Variants in TTC7A observed in about 807,000 individuals in gnomAD.
TTC7A encodes tetratricopeptide repeat domain 7A.
A neutral mutation model predicts 103.7 loss-of-function variants in TTC7A; 110 were observed. The observed-to-expected ratio is 1.06, with a 90% CI of 0.91 to 1.24. The LOEUF is 1.24. Ranked by LOEUF, TTC7A falls within the 50% of genes most tolerant of loss-of-function variation. TTC7A has a pLI of 0.00. For missense variants in TTC7A, 1,340 were observed against 1,116.3 expected, an observed-to-expected ratio of 1.20 and a Z score of -2.86; for synonymous variants, 521 against 467.9, an observed-to-expected ratio of 1.11 and a Z score of -1.47.
chr2:47,042,266 T>C (rs1220469696), intron 15 of TTC7A, among the ~76,000 whole-genome samples: 1 of 151,980 alleles, frequency 6.6e-6, no homozygotes, highest in Non-Finnish European at 1.5e-5. Flanking sequence ...CTTTGGGAGG[T>C]TGAGGCAGGA....
chr2:47,056,332 T>TG (rs1231059853), intron 18 of TTC7A, among the ~76,000 whole-genome samples: 1 of 152,180 alleles, frequency 6.6e-6, no homozygotes, highest in Non-Finnish European at 1.5e-5. Context: ...TGAATTCTTT[T>TG]GGGGGGACTA....
At chr2:46,957,667 G>T (rs1335948364) in intron 3 of TTC7A, among the ~76,000 whole-genome samples, 1 of 152,130 alleles carries the variant, frequency 6.6e-6, no homozygotes, top group Non-Finnish European at 1.5e-5. Flanking sequence ...CAGCCCAGCT[G>T]GGGGAATCGT....
intron 15 of TTC7A, among the ~76,000 whole-genome samples, chr2:47,029,830 C>A (rs1267304046): frequency 6.6e-6 from 1 of 152,168 alleles, no homozygotes; most frequent in Non-Finnish European, 1.5e-5. Flanking sequence ...CCAAGGTGGT[C>A]CTGCTCCTTC....
intron 15 of TTC7A, among the ~76,000 whole-genome samples, chr2:47,040,866 T>C (rs116344993): frequency 0.017 from 2,636 of 152,354 alleles, 32 homozygotes; most frequent in Non-Finnish European, 0.028. Context: ...CTTGGGTTTC[T>C]AATTCCTGGG....
rs750885787 is a variant in TTC7A at position 46,974,960 on chromosome 2, C to T, written c.518-13C>T. On this transcript the variant is annotated splice_polypyrimidine_tract_variant and intron_variant, in intron 3 of 19. Transcript: ENST00000319190. The stretch of plus-strand genomic sequence containing the variant: ...GAGCAGGACAGGTCTGAGGCACCCT[C>T]TTCCTCCCGCAGGCCTCTCTCTGGA... 13 of 1,612,488 alleles carry T rather than the reference C, an allele frequency of 8.1e-6. No individual in the cohort carries two copies. The highest frequency in any genetic ancestry group is 1.1e-5 in the Non-Finnish European group (13 of 1,179,346).
At chr2:46,959,603 C>T (rs1400732703) in intron 3 of TTC7A, among the ~76,000 whole-genome samples, 1 of 152,138 alleles carries the variant, frequency 6.6e-6, no homozygotes, top group East Asian at 1.9e-4. Flanking sequence ...CTCTTCGCCC[C>T]CACCCTCAAA....
chr2:46,954,725 C>T (rs1267093998), intron 2 of TTC7A, among the ~76,000 whole-genome samples: 1 of 152,030 alleles, frequency 6.6e-6, no homozygotes, highest in Non-Finnish European at 1.5e-5. Context: ...GCGCCCACCA[C>T]CACGCCCGGA....
intron 3 of TTC7A, among the ~76,000 whole-genome samples, chr2:46,974,224 ACCACTTCAGTT>A (rs1673636949): frequency 6.6e-6 from 1 of 152,216 alleles, no homozygotes; most frequent in African/African-American, 2.4e-5. Flanking sequence ...TTTAAAGATA[ACCACTTCAGTT>A]CCTGGGCAAA....
chr2:46,942,103 G>A (rs1392506965), intron 1 of TTC7A, among the ~76,000 whole-genome samples: 3 of 152,186 alleles, frequency 2.0e-5, no homozygotes, highest in African/African-American at 7.2e-5. Flanking sequence ...TGTCGTCTTT[G>A]TCCATAGTTC....
chr2:47,073,692 T>G lies in TTC7A; in HGVS notation c.2356-10T>G, dbSNP rs532901005. On this transcript the variant is annotated splice_polypyrimidine_tract_variant and intron_variant, in intron 19 of 19. Transcript: ENST00000319190. ...ACCCCTACTCACCCTGCCCTGTGCTTCGTCCACAGGGTCTGATGCTGAGTC... is the reference window on the plus strand; with the variant it reads ...ACCCCTACTCACCCTGCCCTGTGCTGCGTCCACAGGGTCTGATGCTGAGTC... 1.2e-6 allele frequency: 2 copies of G among 1,613,094 alleles called. No homozygotes were observed. Among genetic ancestry groups the G allele is most frequent in the South Asian group, 2.2e-5 (2 of 91,034 alleles).
intron 2 of TTC7A, 53 bp downstream of exon 2, chr2:46,950,579 C>T (rs942656559): frequency 3.1e-5 from 49 of 1,582,926 alleles, no homozygotes; most frequent in Non-Finnish European, 3.6e-5. Context: ...TGTCTTGCCT[C>T]GCATCTGTCC....
chr2:46,981,675 G>C (rs911141170), intron 5 of TTC7A, among the ~76,000 whole-genome samples: 2 of 152,254 alleles, frequency 1.3e-5, no homozygotes, highest in Admixed American at 1.3e-4. Flanking sequence ...GTTCGATGTG[G>C]TGCCCTTGTA....
chr2:46,939,684 C>T (rs1670170150), upstream of TTC7A, among the ~76,000 whole-genome samples: 1 of 152,180 alleles, frequency 6.6e-6, no homozygotes, highest in African/African-American at 2.4e-5. Flanking sequence ...CTCCCTGCCC[C>T]AGGGCTGACT....
intron 10 of TTC7A, among the ~76,000 whole-genome samples, chr2:47,008,986 T>G (rs2104470683): frequency 6.9e-6 from 1 of 145,428 alleles, no homozygotes. Flanking sequence ...TACGTGGGGG[T>G]GGGGTGGAAC....
In TTC7A at chr2:47,007,648, T is replaced by A. The variant is rs1374002285; in HGVS notation, c.1287+924T>A. On this transcript the variant is annotated intron_variant, in intron 10 of 19. Transcript: ENST00000319190. This position sits in a 1 kb window ranked among gnomAD's most constrained non-coding sequence, Gnocchi z 4.9. ...ACGCATCAAGGGCGTGCCAGCCAGC[T>A]CGGGGCCTCGGCAGCCGAGGCAGGC... Among the ~76,000 whole-genome samples the A allele has an allele frequency of 6.6e-6, 1 of 152,086 alleles. No individual in the cohort carries two copies. The highest frequency in any genetic ancestry group is 2.4e-5 in the African/African-American group (1 of 41,416).
intron 9 of TTC7A, 58 bp from the exon 10 acceptor site, chr2:47,006,582 CG>C (rs1677421201): frequency 6.9e-7 from 1 of 1,453,080 alleles, no homozygotes; most frequent in South Asian, 1.1e-5. Flanking sequence ...TGGAAGGGTG[CG>C]GATGGCTGGG....
intron 5 of TTC7A, among the ~76,000 whole-genome samples, chr2:46,992,303 C>G (rs1457382486): frequency 1.3e-5 from 2 of 152,192 alleles, no homozygotes; most frequent in African/African-American, 4.8e-5. Context: ...AGGGTCAGAC[C>G]TGCAGGTAGA....
chr2:46,978,799 A>T lies in TTC7A; in HGVS notation c.656A>T (p.Asn219Ile). Residue 219 changes from asparagine to isoleucine, a missense_variant, in exon 5 of 20, where the codon AAT becomes ATT. Asn to Ile is a moderately radical substitution (Grantham distance 149). Transcript: ENST00000319190. ...CTCTGTTTCCCTTCCCAGACCACAA[A>T]TAACAGCACGTCGAGGCATCTGAAA... ...VFLQELEKTT[N>I]NSTSRHLKGC... 1 of 1,613,806 alleles carries T rather than the reference A, an allele frequency of 6.2e-7. No individual in the cohort carries two copies. Among genetic ancestry groups the T allele is most frequent in the Non-Finnish European group, 8.5e-7 (1 of 1,179,832 alleles).
At chr2:47,049,399 G>C (rs1045758662) in intron 16 of TTC7A, among the ~76,000 whole-genome samples, 5 of 152,012 alleles carry the variant, frequency 3.3e-5, no homozygotes, top group Non-Finnish European at 7.4e-5. Context: ...TGGGGACAAG[G>C]GTTGGGGGAC....
Sources: gnomAD v4.1 joint callset for allele counts (sites outside exome capture counted in the v4.1 genomes callset) on GRCh38, gnomAD v4.1.1 for gene constraint, Gnocchi (gnomAD v3.1) non-coding constraint, MANE v1.5 for transcripts, NCBI Gene and HGNC (gene_info 2026-07-23, HGNC 2026-07-21) for gene names.